The following ACAP1 variants were observed in gnomAD, a reference collection of about 807,000 sequenced individuals.
ACAP1 encodes the protein ArfGAP with coiled-coil, ankyrin repeat and PH domains 1, also known as arf-GAP with coiled-coil, ANK repeat and PH domain-containing protein 1.
A neutral mutation model predicts 98.8 loss-of-function variants in ACAP1; 45 were observed. The observed-to-expected ratio is 0.46, with a 90% CI of 0.36 to 0.58. The LOEUF (loss-of-function observed/expected upper bound fraction) is 0.58. ACAP1 is among the 20% of genes least tolerant of loss of function. The pLI, the probability that ACAP1 is intolerant of heterozygous loss-of-function variation, is 0.00. For missense variants in ACAP1, 735 were observed against 971.4 expected (o/e 0.76, Z 3.24); for synonymous variants, 362 against 375.3 (o/e 0.96, Z 0.41).
chr17:7,341,538 G>A (rs904645159), intron 2 of ACAP1, among the ~76,000 whole-genome samples: 5 of 152,254 alleles, frequency 3.3e-5, no homozygotes, highest in Admixed American at 6.5e-5. Context: ...CACCACGCCC[G>A]GCCAATACTG....
rs2143018013 is a variant in ACAP1 at position 7,348,300 on chromosome 17, C to A, written c.1509-6C>A. 1 of 1,590,440 alleles carries A rather than the reference C, an allele frequency of 6.3e-7. No individual in the cohort carries two copies. Among genetic ancestry groups the A allele is most frequent in the East Asian group, 2.2e-5 (1 of 44,530 alleles). On this transcript the variant is annotated splice_polypyrimidine_tract_variant and splice_region_variant and intron_variant, in intron 16 of 21. Transcript: ENST00000158762. ...GGGAAGACTGCGTGCTTCTCCCCTCCCACAGGCAGGAGAAGGAGGCCTGGA... is the reference window on the plus strand; with the variant it reads ...GGGAAGACTGCGTGCTTCTCCCCTCACACAGGCAGGAGAAGGAGGCCTGGA...
At position 7,344,637 on chromosome 17, in the gene ACAP1, G is replaced by C; in HGVS notation, c.843G>C (p.Lys281Asn). The C allele has an allele frequency of 6.4e-7, 1 of 1,551,518 alleles. No individual in the cohort carries two copies. The highest frequency in any genetic ancestry group is 2.0e-5 in the Admixed American group (1 of 50,992). ...HLFKRASNAFKTWSRRWFTIQ... is the reference protein window; with the variant it reads ...HLFKRASNAFNTWSRRWFTIQ... ...TCAAACGGGCCAGCAACGCATTTAA[G>C]ACCTGGAGCAGGTGAGGAGAGGACA... Residue 281 changes from lysine to asparagine, a missense_variant, in exon 10 of 22, where the codon AAG becomes AAC. This residue lies in a region of ACAP1 where 430 missense variants were observed against 531.8 expected (regional missense o/e 0.81). Coordinates refer to ENST00000158762, the MANE Select transcript of ACAP1 (RefSeq NM_014716.4). This position sits in a 1 kb window ranked among gnomAD's most constrained non-coding sequence, Gnocchi z 4.9.
At position 7,346,501 on chromosome 17, in the gene ACAP1, A is replaced by C; in HGVS notation, c.1007+10A>C. 1 of 1,595,490 alleles carries C rather than the reference A, an allele frequency of 6.3e-7. No individual in the cohort carries two copies. Reference sequence around the variant, plus strand: ...TGGTGTCCACCAGCAAGTGAGTGCAATCCCCAGGGGTGATACTCTAATATA... The same window carrying C: ...TGGTGTCCACCAGCAAGTGAGTGCACTCCCCAGGGGTGATACTCTAATATA... On this transcript the variant is annotated intron_variant, in intron 12 of 21. Coordinates refer to ENST00000158762, the MANE Select transcript of ACAP1 (RefSeq NM_014716.4).
At position 7,344,036 on chromosome 17, in the gene ACAP1, T is replaced by C; in HGVS notation, c.670-13T>C. The C allele has an allele frequency of 1.3e-6, 2 of 1,587,964 alleles. No individual in the cohort carries two copies. The highest frequency in any genetic ancestry group is 1.1e-5 in the South Asian group (1 of 87,888). Reference sequence around the variant, plus strand: ...GGGGCCTTGGACATCTGAGATGCCCTTCCTGTGCCCAGTTGCACCAGCTGG... The same window carrying C: ...GGGGCCTTGGACATCTGAGATGCCCCTCCTGTGCCCAGTTGCACCAGCTGG... On this transcript the variant is annotated splice_polypyrimidine_tract_variant and intron_variant, in intron 8 of 21. Transcript: ENST00000158762. The surrounding 1 kb of genome is among the most constrained non-coding windows in gnomAD (Gnocchi z 4.9).
Position 7,350,045 on chromosome 17 carries a change from G to A in ACAP1, c.1952G>A (p.Gly651Asp). Residue 651 changes from glycine to aspartate, a missense_variant, in exon 19 of 22, where the codon GGC becomes GAC. By Grantham distance (94) the Gly-to-Asp change is moderately conservative (BLOSUM62 -1). Coordinates refer to ENST00000158762, the MANE Select transcript of ACAP1 (RefSeq NM_014716.4). The surrounding 1 kb of genome is among the most constrained non-coding windows in gnomAD (Gnocchi z 4.6). The part of the protein sequence containing the change: ...RGPLHHATIL[G>D]HTGLACLFLK... The stretch of plus-strand genomic sequence containing the variant: ...CCGCTGCACCACGCAACCATTCTTG[G>A]CCACACGGGGTAGGGATGATGGCAT... The A allele has an allele frequency of 6.2e-7, 1 of 1,613,340 alleles. No individual in the cohort carries two copies. The highest frequency in any genetic ancestry group is 8.5e-7 in the Non-Finnish European group (1 of 1,179,414).
At chr17:7,349,377 G>GA in intron 18 of ACAP1, 2 of 492,960 alleles carry the variant, frequency 4.1e-6, no homozygotes, top group Non-Finnish European at 7.1e-6. Flanking sequence ...TCTTACAGGA[G>GA]ACTTTTTTTT....
Position 7,348,331 on chromosome 17 carries a change from G to A in ACAP1, c.1534G>A (p.Ala512Thr), listed in dbSNP as rs777376993. 4 of 1,576,406 alleles carry A rather than the reference G, an allele frequency of 2.5e-6. No homozygotes were observed. The highest frequency in any genetic ancestry group is 3.4e-6 in the Non-Finnish European group (4 of 1,160,036). Residue 512 changes from alanine to threonine, a missense_variant, in exon 17 of 22, where the codon GCT becomes ACT. By Grantham distance (58) the Ala-to-Thr change is moderately conservative (BLOSUM62 0). Coordinates refer to ENST00000158762, the MANE Select transcript of ACAP1 (RefSeq NM_014716.4). ...GCAGGAGAAGGAGGCCTGGATTCAC[G>A]CTAAATACGTGGAGAAGAAGTTCCT... Reference protein sequence around the residue: ...SRQEKEAWIHAKYVEKKFLTK... With the variant: ...SRQEKEAWIHTKYVEKKFLTK...
chr17:7,348,660 C>A, intron 17 of ACAP1, 185 bp downstream of exon 17: 1 of 631,838 alleles, frequency 1.6e-6, no homozygotes, highest in Non-Finnish European at 2.5e-6. Flanking sequence ...TGGGGCTGGG[C>A]GTGGGCAGGG....
intron 15 of ACAP1, 27 bp downstream of exon 15, chr17:7,348,018 G>A: frequency 1.2e-6 from 2 of 1,613,612 alleles, no homozygotes; most frequent in South Asian, 1.1e-5. Flanking sequence ...TGAAGATTGG[G>A]GGCAAGAACT....
rs190505896 is a variant in ACAP1 at position 7,340,720 on chromosome 17, C to T, written c.112-1228C>T. ...AATTAGCTGGGCGTGGTGGCGGGCACCTGTAATCCCAGCTACTCTGGAGGC... is the reference window on the plus strand; with the variant it reads ...AATTAGCTGGGCGTGGTGGCGGGCATCTGTAATCCCAGCTACTCTGGAGGC... On this transcript the variant is annotated intron_variant, in intron 2 of 21. Coordinates refer to ENST00000158762, the MANE Select transcript of ACAP1 (RefSeq NM_014716.4). 2.7e-3 allele frequency among the ~76,000 whole-genome samples: 416 copies of T among 152,252 alleles called. 2 individuals carry two copies. The highest frequency in any genetic ancestry group is 8.9e-3 in the African/African-American group (368 of 41,530).
intron 14 of ACAP1, 27 bp downstream of exon 14, chr17:7,347,269 C>T (rs755176540): frequency 1.9e-6 from 3 of 1,587,858 alleles, no homozygotes; most frequent in Non-Finnish European, 1.7e-6. Context: ...CATGCGGGAG[C>T]CCCACTCCTT....
At position 7,348,439 on chromosome 17, in the gene ACAP1, A is replaced by G. The variant is rs1386150116; in HGVS notation, c.1642A>G (p.Ile548Val). 3 of 1,498,438 alleles carry G rather than the reference A, an allele frequency of 2.0e-6. No individual in the cohort carries two copies. The highest frequency in any genetic ancestry group is 1.4e-5 in the African/African-American group (1 of 71,524). 92.8% of individuals were successfully genotyped at this position (1,498,438 alleles called of 1,614,324 possible). The change falls in exon 17 of 22, where the codon ATC becomes GTC. Residue 548 changes from isoleucine (I) to valine (V), a missense_variant. Physicochemically the swap from Ile to Val is conservative, Grantham distance 29 (BLOSUM62 3). Transcript: ENST00000158762. ...GCCTCCTGTGCCCCCAAAGCCTTCC[A>G]TCAGGCCCCGGCCAGGGAGCTTGAG... ...GQPPVPPKPS[I>V]RPRPGSLRSK...
chr17:7,343,523 A>AGCTGGG lies in ACAP1; in HGVS notation c.490_495dup (p.Ala164_Gly165dup). On this transcript the variant is annotated inframe_insertion, in exon 6 of 22. Coordinates refer to ENST00000158762, the MANE Select transcript of ACAP1 (RefSeq NM_014716.4). The surrounding 1 kb of genome is among the most constrained non-coding windows in gnomAD (Gnocchi z 4.9). ...CAGGAGCTGCTTTGAGGACGGCTCG[A>AGCTGGG]GCTGGGTACCGGGGACGGGCACTGG... is the stretch of plus-strand genomic sequence containing the variant. 6.2e-7 allele frequency: 1 copy of AGCTGGG among 1,613,958 alleles called. No homozygotes were observed. Among genetic ancestry groups the AGCTGGG allele is most frequent in the Non-Finnish European group, 8.5e-7 (1 of 1,179,904 alleles).
At position 7,336,922 on chromosome 17, in the gene ACAP1, T is replaced by G. The variant is rs139843765; in HGVS notation, c.53+135T>G. 6.7e-3 allele frequency: 6,044 copies of G among 902,230 alleles called. 40 individuals are homozygous for G. Among genetic ancestry groups the G allele is most frequent in the Middle Eastern group, 0.022 (101 of 4,606 alleles). 55.9% of individuals were successfully genotyped at this position (902,230 alleles called of 1,614,324 possible). A position where few individuals can be genotyped will look rare whatever the true frequency, so the allele number is the denominator to read the frequency against. On this transcript the variant is annotated intron_variant, in intron 1 of 21. Transcript: ENST00000158762. The stretch of plus-strand genomic sequence containing the variant: ...GCAGGAGCGAGCCTGTGGGCCAAAG[T>G]GGTACCCCAGCTGTGAAAGCAGGGT...
chr17:7,346,519 CTAATA>C, intron 12 of ACAP1, 28 bp downstream of exon 12: 1 of 1,535,428 alleles, frequency 6.5e-7, no homozygotes, highest in Non-Finnish European at 8.8e-7. Flanking sequence ...GGGTGATACT[CTAATA>C]TATCTAAACA....
chr17:7,346,917 C>T lies in ACAP1; in HGVS notation c.1117C>T (p.Arg373Trp), dbSNP rs547368787. The T allele has an allele frequency of 1.0e-4, 165 of 1,612,108 alleles. No individual in the cohort carries two copies. The highest frequency in any genetic ancestry group is 4.9e-4 in the South Asian group (45 of 91,004). Residue 373 changes from arginine (R) to tryptophan (W), a missense_variant, in exon 13 of 22, where the codon CGG becomes TGG. Physicochemically the swap from Arg to Trp is moderately radical, Grantham distance 101 (BLOSUM62 -3). Coordinates refer to ENST00000158762, the MANE Select transcript of ACAP1 (RefSeq NM_014716.4). The part of the protein sequence containing the change: ...FSQARLDDSP[R>W]GPGQGSGHLA... The stretch of plus-strand genomic sequence containing the variant: ...TCAGGCTCGCCTTGATGACAGCCCC[C>T]GGGGTCCAGGCCAGGTACCTTAACC...
chr17:7,350,187 G>T lies in ACAP1; in HGVS notation c.2022G>T (p.Arg674Ser), dbSNP rs778223539. The T allele has an allele frequency of 2.5e-6, 4 of 1,614,094 alleles. No homozygotes were observed. The highest frequency in any genetic ancestry group is 2.5e-6 in the Non-Finnish European group (3 of 1,180,046). ...TGGGGGCTCGAGACTCTGAAGGCAG[G>T]GACCCTCTGACCATCGCCATGGAAA... is the stretch of plus-strand genomic sequence containing the variant. ...ADLGARDSEG[R>S]DPLTIAMETA... The change falls in exon 20 of 22, where the codon AGG becomes AGT. Residue 674 changes from arginine (R) to serine (S), a missense_variant. By Grantham distance (110) the Arg-to-Ser change is moderately radical (BLOSUM62 -1). Around this residue, in one of 5 missense-constraint regions of ACAP1, gnomAD observed 142 missense variants for 224.1 expected, o/e 0.63. Coordinates refer to ENST00000158762, the MANE Select transcript of ACAP1 (RefSeq NM_014716.4). The surrounding 1 kb of genome is among the most constrained non-coding windows in gnomAD (Gnocchi z 4.6).
At chr17:7,342,578 C>A in intron 5 of ACAP1, 104 bp downstream of exon 5, 2 of 1,272,300 alleles carry the variant, frequency 1.6e-6, no homozygotes, top group Non-Finnish European at 2.3e-6. Flanking sequence ...CCAACCTAGC[C>A]AACATGGCGA....
chr17:7,350,316 G>A lies in ACAP1; in HGVS notation c.2072+79G>A. The stretch of plus-strand genomic sequence containing the variant: ...CACCCACGTTCGGGCGGGCGGGCGG[G>A]GCTGACGCCGAAACAGAAGCCTGTG... On this transcript the variant is annotated intron_variant, in intron 20 of 21. Transcript: ENST00000158762. The surrounding 1 kb of genome is among the most constrained non-coding windows in gnomAD (Gnocchi z 4.6). 2 of 1,144,962 alleles carry A rather than the reference G, an allele frequency of 1.7e-6. No homozygotes were observed. The highest frequency in any genetic ancestry group is 2.3e-5 in the Admixed American group (1 of 43,866). The allele number at this position is 1,144,962 out of a possible 1,614,324, so 70.9% of individuals were successfully genotyped here.
Sources: allele counts gnomAD v4.1 joint callset (sites outside exome capture counted in the v4.1 genomes callset), GRCh38; gene constraint gnomAD v4.1.1; regional missense constraint gnomAD v4.1.1; non-coding constraint Gnocchi (gnomAD v3.1); transcripts MANE v1.5; gene names NCBI Gene and HGNC (gene_info 2026-07-23, HGNC 2026-07-21).